The following CUBN variants were observed in gnomAD, a reference collection of about 807,000 sequenced individuals.
CUBN encodes the protein 460 kDa receptor.
CUBN carries 282 observed loss-of-function variants against 405.3 expected under a neutral mutation model. The observed-to-expected ratio is 0.70, with a 90% confidence interval of 0.63 to 0.77. The LOEUF is 0.77. CUBN is among the 30% of genes least tolerant of loss of function. The probability of loss-of-function intolerance (pLI) is 0.00; values close to 1 mark genes in which losing one functional copy is unlikely to be tolerated. For missense variants in CUBN, 4,514 were observed against 4,475.2 expected (o/e 1.01, Z -0.25); for synonymous variants, 1,684 against 1,617.0 (o/e 1.04, Z -0.99).
intron 28 of CUBN, among the ~76,000 whole-genome samples, chr10:17,002,121 A>C (rs993011702): frequency 3.3e-5 from 5 of 152,256 alleles, no homozygotes; most frequent in Non-Finnish European, 7.3e-5. Context: ...TCAATGGTCG[A>C]AAAGAGAAAC....
intron 54 of CUBN, among the ~76,000 whole-genome samples, chr10:16,898,004 G>A (rs994213142): frequency 5.9e-5 from 9 of 151,294 alleles, no homozygotes; most frequent in African/African-American, 1.9e-4. Context: ...TGAGAAGAGA[G>A]TTCATTTAGT....
chr10:17,026,920 A>G (rs892433970), intron 27 of CUBN, among the ~76,000 whole-genome samples: 18 of 152,176 alleles, frequency 1.2e-4, no homozygotes, highest in African/African-American at 4.3e-4. Context: ...GGGGCAGGAA[A>G]TATGAAATAT....
At position 16,874,367 on chromosome 10, in the gene CUBN, T is replaced by A; in HGVS notation, c.9236+7A>T. ...TTTTCTTAAGAAAGCCAATTTGTCT[T>A]ACGTACTTGAGCTCGATCACCTTGT... On this transcript the variant is annotated splice_region_variant and intron_variant, in intron 58 of 66. Coordinates refer to ENST00000377833, the MANE Select transcript of CUBN (RefSeq NM_001081.4). 6.2e-7 allele frequency: 1 copy of A among 1,614,144 alleles called. No individual in the cohort carries two copies. The highest frequency in any genetic ancestry group is 1.3e-5 in the African/African-American group (1 of 75,052).
At chr10:17,008,068 AC>A (rs1463790845) in intron 28 of CUBN, among the ~76,000 whole-genome samples, 1 of 152,082 alleles carries the variant, frequency 6.6e-6, no homozygotes, top group Non-Finnish European at 1.5e-5. Flanking sequence ...TGGGAGGATC[AC>A]CTTATCAAAA....
At chr10:16,889,938 A>AAAAAAAAAAAAAAAAAAAACAAAAAAC (rs1554788545) in intron 55 of CUBN, among the ~76,000 whole-genome samples, 1 of 129,440 alleles carries the variant, frequency 7.7e-6, no homozygotes, top group African/African-American at 3.1e-5. Flanking sequence ...GCCGTGTCAA[A>AAAAAAAAAAAAAAAAAAAACAAAAAAC]AAAAAAAAAA....
chr10:16,852,323 C>T (rs552574266), intron 59 of CUBN, among the ~76,000 whole-genome samples: 3 of 139,346 alleles, frequency 2.2e-5, no homozygotes, highest in South Asian at 5.3e-4. Flanking sequence ...TTCCATCCCT[C>T]CCTCCATCTT....
intron 14 of CUBN, 42 bp downstream of exon 14, chr10:17,099,963 C>T: frequency 7.2e-7 from 1 of 1,387,166 alleles, no homozygotes; most frequent in East Asian, 2.3e-5. Flanking sequence ...CACTTAATAA[C>T]CTCAAAATTT....
Position 17,103,434 on chromosome 10 carries a change from C to G in CUBN, c.1418-197G>C, listed in dbSNP as rs576300424. ...ATCCCACCTCTTGTTCAAAGCTCAGCTGATGCCTCATCACCTGCTCCATGA... is the reference window on the plus strand; with the variant it reads ...ATCCCACCTCTTGTTCAAAGCTCAGGTGATGCCTCATCACCTGCTCCATGA... On this transcript the variant is annotated intron_variant, in intron 12 of 66. Coordinates refer to ENST00000377833, the MANE Select transcript of CUBN (RefSeq NM_001081.4). Among the ~76,000 whole-genome samples the G allele has an allele frequency of 3.5e-4, 53 of 152,320 alleles. No individual in the cohort carries two copies. In the South Asian group the frequency reaches 7.3e-3, roughly 21 times the overall value.
Position 17,123,548 on chromosome 10 carries a change from T to C in CUBN, c.489+40A>G, listed in dbSNP as rs1448516539. The C allele has an allele frequency of 4.2e-6, 6 of 1,423,894 alleles. No homozygotes were observed. In the African/African-American group the frequency reaches 7.0e-5, roughly 17 times the overall value. The allele number at this position is 1,423,894 out of a possible 1,614,324, so 88.2% of individuals were successfully genotyped here. A position where few individuals can be genotyped will look rare whatever the true frequency, so the allele number is the denominator to read the frequency against. On this transcript the variant is annotated intron_variant, in intron 5 of 66. Coordinates refer to ENST00000377833, the MANE Select transcript of CUBN (RefSeq NM_001081.4). ...ATGATTCCAAGGAAACCACAGATGCTGACCTGCCATCATTCTTAACCAAAG... is the reference window on the plus strand; with the variant it reads ...ATGATTCCAAGGAAACCACAGATGCCGACCTGCCATCATTCTTAACCAAAG...
At chr10:16,949,329 C>A (rs28649415) in intron 34 of CUBN, among the ~76,000 whole-genome samples, 76,790 of 151,812 alleles carry the variant, frequency 0.51, 19,628 homozygotes, top group Non-Finnish European at 0.53. Context: ...GGCAACAGGC[C>A]AAACAGTCTC....
rs1841590875 is a variant in CUBN at position 16,907,588 on chromosome 10, G to T, written c.7625C>A (p.Thr2542Lys). ...ATCCGTGAAAAAAATGACTTTCATT[G>T]TGTTTCCTGAAGATTTAATCTCATT... ...VSNEIKSSGNTMKVIFFTDGS... is the reference protein window; with the variant it reads ...VSNEIKSSGNKMKVIFFTDGS... The change falls in exon 49 of 67, where the codon ACA becomes AAA. Residue 2542 changes from threonine to lysine, a missense_variant. Physicochemically the swap from Thr to Lys is moderately conservative, Grantham distance 78. Coordinates refer to ENST00000377833, the MANE Select transcript of CUBN (RefSeq NM_001081.4). 2 of 1,613,744 alleles carry T rather than the reference G, an allele frequency of 1.2e-6. No individual in the cohort carries two copies. The highest frequency in any genetic ancestry group is 1.3e-5 in the African/African-American group (1 of 74,912).
At chr10:16,981,437 T>C (rs1833269475) in intron 31 of CUBN, among the ~76,000 whole-genome samples, 1 of 63,234 alleles carries the variant, frequency 1.6e-5, no homozygotes, top group African/African-American at 3.1e-5. Context: ...GGACAAGAAC[T>C]TGGGTACCAA....
At chr10:16,993,582 T>C (rs1304671613) in intron 28 of CUBN, among the ~76,000 whole-genome samples, 1 of 152,068 alleles carries the variant, frequency 6.6e-6, no homozygotes, top group Non-Finnish European at 1.5e-5. Context: ...TTTTCTTTAA[T>C]AAAAAGAGCA....
At chr10:16,986,990 C>T (rs1009201962) in intron 29 of CUBN, among the ~76,000 whole-genome samples, 3 of 152,220 alleles carry the variant, frequency 2.0e-5, no homozygotes, top group African/African-American at 7.2e-5. Context: ...AGAATAAACA[C>T]TGCCACTTTG....
chr10:17,084,136 T>C, intron 17 of CUBN, 135 bp downstream of exon 17: 1 of 815,886 alleles, frequency 1.2e-6, no homozygotes, highest in East Asian at 2.6e-5. Flanking sequence ...TAGAGCTTAG[T>C]TATTATTGTA....
chr10:17,066,968 A>G (rs891246758), intron 21 of CUBN, among the ~76,000 whole-genome samples: 3 of 152,166 alleles, frequency 2.0e-5, no homozygotes, highest in African/African-American at 4.8e-5. Flanking sequence ...GAGACAGGAA[A>G]CAAATGAGTT....
Position 16,915,837 on chromosome 10 carries a change from C to T in CUBN, c.7194G>A (p.Trp2398Ter). ...TTTACTAACCAGAGGTATGATTGTC[C>T]CAGATCTCCACGAAGTCTTTTTCAC... The part of the protein sequence containing the change: ...SGCEKDFVEI[W>*]DNHTSGNILG... Residue 2398 changes from tryptophan to a stop codon, truncating the protein, a stop_gained, in exon 46 of 67, where the codon TGG (tryptophan) becomes TGA (stop). Coordinates refer to ENST00000377833, the MANE Select transcript of CUBN (RefSeq NM_001081.4). LOFTEE classifies it high-confidence loss of function. 6.2e-7 allele frequency: 1 copy of T among 1,612,996 alleles called. No homozygotes were observed. Among genetic ancestry groups the T allele is most frequent in the South Asian group, 1.1e-5 (1 of 91,036 alleles).
Position 16,831,407 on chromosome 10 carries a change from C to G in CUBN, c.10373G>C (p.Gly3458Ala), listed in dbSNP as rs1262229830. Residue 3458 changes from glycine (G) to alanine (A), a missense_variant, in exon 65 of 67, where the codon GGA (glycine) becomes GCA (alanine). Gly to Ala is a moderately conservative substitution (Grantham distance 60). This residue lies in a region of CUBN where 1,186 missense variants were observed against 1,186.9 expected (regional missense o/e 1.00). Transcript: ENST00000377833. Reference protein sequence around the residue: ...CRNDFLEVRNGSNSNSPLLGK... With the variant: ...CRNDFLEVRNASNSNSPLLGK... ...CAGTAATGGTGAATTGCTGTTACTT[C>G]CATTTCTCACCTTTAGGAAGGAGTC... The G allele has an allele frequency of 6.2e-7, 1 of 1,613,696 alleles. No individual in the cohort carries two copies. The highest frequency in any genetic ancestry group is 8.5e-7 in the Non-Finnish European group (1 of 1,179,596).
At position 16,937,595 on chromosome 10, in the gene CUBN, G is replaced by T; in HGVS notation, c.5923C>A (p.Pro1975Thr). The T allele has an allele frequency of 6.2e-7, 1 of 1,613,460 alleles. No homozygotes were observed. Among genetic ancestry groups the T allele is most frequent in the South Asian group, 1.1e-5 (1 of 91,038 alleles). The change falls in exon 39 of 67, where the codon CCA becomes ACA. Residue 1975 changes from proline to threonine, a missense_variant. Transcript: ENST00000377833. ...APDGVLPTIAPGACGGFLRTG... is the reference protein window; with the variant it reads ...APDGVLPTIATGACGGFLRTG... ...CTTCATTTATTACCAAACACACCTG[G>T]AGCAATGGTAGGTAAAACACCATCA...
Sources: allele counts gnomAD v4.1 joint callset (sites outside exome capture counted in the v4.1 genomes callset), GRCh38; gene constraint gnomAD v4.1.1; regional missense constraint gnomAD v4.1.1; transcripts MANE v1.5; gene names NCBI Gene and HGNC (gene_info 2026-07-23, HGNC 2026-07-21).